SFTPD: variants seen among roughly 807,000 people sequenced by gnomAD.
SFTPD encodes pulmonary surfactant-associated protein D.
In SFTPD, 18 loss-of-function variants were observed where a neutral mutation model predicts 34.6. The observed-to-expected ratio is 0.52, with a 90% CI of 0.36 to 0.77. The LOEUF (loss-of-function observed/expected upper bound fraction) is 0.77, where lower values mean the gene tolerates loss of function less well. SFTPD is among the 30% of genes least tolerant of loss of function. SFTPD has a pLI of 0.00. For synonymous variants in SFTPD, 155 were observed against 180.9 expected, an observed-to-expected ratio of 0.86 and a Z score of 1.15; for missense variants, 433 against 468.9, an observed-to-expected ratio of 0.92 and a Z score of 0.71.
At chr10:79,977,381 C>T (rs1466141089) in intron 1 of SFTPD, among the ~76,000 whole-genome samples, 2 of 152,186 alleles carry the variant, frequency 1.3e-5, no homozygotes, top group African/African-American at 4.8e-5. Context: ...CCTAGAGTTC[C>T]ACAGGACATT....
chr10:79,960,990 C>T (rs915443421), intron 1 of SFTPD, among the ~76,000 whole-genome samples: 121 of 152,188 alleles, frequency 8.0e-4, no homozygotes, highest in African/African-American at 2.8e-3. Context: ...GAAATAATGC[C>T]GCATATCTGC....
At chr10:79,960,442 C>T (rs1281169339) in intron 1 of SFTPD, among the ~76,000 whole-genome samples, 2 of 149,988 alleles carry the variant, frequency 1.3e-5, no homozygotes, top group Admixed American at 6.7e-5. Flanking sequence ...GCAACTTCAG[C>T]AAAGTCTCAG....
intron 2 of SFTPD, among the ~76,000 whole-genome samples, chr10:79,945,317 C>T (rs557570360): frequency 1.3e-5 from 2 of 152,142 alleles, no homozygotes; most frequent in East Asian, 1.9e-4. Context: ...CTGGGATCCC[C>T]CCTGGACAGC....
At chr10:79,976,852 G>T (rs1424528427) in intron 1 of SFTPD, among the ~76,000 whole-genome samples, 1 of 152,166 alleles carries the variant, frequency 6.6e-6, no homozygotes. Flanking sequence ...AGGGACCCAG[G>T]AGGAGGTAAT....
intron 1 of SFTPD, chr10:79,971,048 CT>C (rs1335469674): frequency 1.3e-5 from 2 of 152,144 alleles, no homozygotes; most frequent in Non-Finnish European, 2.9e-5. Context: ...TCTTTCATAT[CT>C]AGTTTGTTGA....
chr10:79,966,587 A>C (rs963533301), intron 1 of SFTPD, among the ~76,000 whole-genome samples: 4 of 146,148 alleles, frequency 2.7e-5, no homozygotes, highest in African/African-American at 1.1e-4. Context: ...CTTTAGTTTA[A>C]TTAGATCCCA....
intron 1 of SFTPD, among the ~76,000 whole-genome samples, chr10:79,955,063 T>C (rs2264953): frequency 0.4 from 60,219 of 152,000 alleles, 12,615 homozygotes; most frequent in African/African-American, 0.48. Flanking sequence ...CCTCCAGAGC[T>C]TGGGGCCTTC....
intron 1 of SFTPD, among the ~76,000 whole-genome samples, chr10:79,976,467 G>C (rs1272255040): frequency 6.6e-6 from 1 of 152,166 alleles, no homozygotes; most frequent in African/African-American, 2.4e-5. Context: ...TTGGGAGGGT[G>C]AGTGATAAAA....
At chr10:79,968,143 A>G (rs899167752) in intron 1 of SFTPD, 12 of 152,178 alleles carry the variant, frequency 7.9e-5, no homozygotes, top group African/African-American at 2.4e-4. Flanking sequence ...CGGGATATCC[A>G]TAACCTCAAA....
chr10:79,970,583 TCTC>T (rs1437774952), intron 1 of SFTPD: 2 of 152,132 alleles, frequency 1.3e-5, no homozygotes, highest in African/African-American at 4.8e-5. Flanking sequence ...AGATCTTTTA[TCTC>T]CTCATTTAAA....
intron 1 of SFTPD, among the ~76,000 whole-genome samples, chr10:79,962,247 T>A (rs555921064): frequency 8.0e-4 from 121 of 151,444 alleles, no homozygotes; most frequent in African/African-American, 2.9e-3. Context: ...TATACATATG[T>A]AACAAACCTG....
intron 2 of SFTPD, among the ~76,000 whole-genome samples, chr10:79,945,771 T>C (rs1842658546): frequency 6.6e-6 from 1 of 152,194 alleles, no homozygotes; most frequent in Admixed American, 6.5e-5. Flanking sequence ...TCAGTGACAC[T>C]GAGGGGCTCT....
chr10:79,947,701 G>A (rs1048816837), intron 1 of SFTPD, among the ~76,000 whole-genome samples: 18 of 152,160 alleles, frequency 1.2e-4, no homozygotes, highest in African/African-American at 3.6e-4. Flanking sequence ...GAAAAAAAAA[G>A]AAGTCTTATA....
chr10:79,960,036 G>C (rs1003331263), intron 1 of SFTPD, among the ~76,000 whole-genome samples: 8 of 151,664 alleles, frequency 5.3e-5, no homozygotes, highest in Middle Eastern at 3.4e-3. Context: ...CAGAACCAAA[G>C]ACAAAAACCA....
At chr10:79,958,377 C>T (rs1346521789) in intron 1 of SFTPD, among the ~76,000 whole-genome samples, 2 of 152,108 alleles carry the variant, frequency 1.3e-5, no homozygotes, top group African/African-American at 2.4e-5. Context: ...AGAGTCAAGA[C>T]CCATCAGTGT....
intron 1 of SFTPD, among the ~76,000 whole-genome samples, chr10:79,973,509 T>G (rs1198982315): frequency 6.7e-6 from 1 of 150,166 alleles, no homozygotes; most frequent in Non-Finnish European, 1.5e-5. Context: ...TCCCAGCTAC[T>G]CAGGAGGCTT....
intron 1 of SFTPD, 80 bp from the exon 2 acceptor site, chr10:79,946,742 T>G: frequency 1.6e-6 from 2 of 1,287,140 alleles, no homozygotes; most frequent in Non-Finnish European, 2.2e-6. Flanking sequence ...CTTCTAGAGG[T>G]GACAAGAAGC....
intron 2 of SFTPD, among the ~76,000 whole-genome samples, chr10:79,945,080 C>T (rs1283610148): frequency 6.6e-6 from 1 of 152,090 alleles, no homozygotes; most frequent in Non-Finnish European, 1.5e-5. Flanking sequence ...CCTGTAGCCC[C>T]ACCGTGTTCT....
chr10:79,944,725 G>A lies in SFTPD; in HGVS notation c.199+1736C>T, dbSNP rs17884985. On this transcript the variant is annotated intron_variant, in intron 2 of 7. Coordinates refer to ENST00000372292, the MANE Select transcript of SFTPD (RefSeq NM_003019.5). ...CGGAATATTGCTGAGCAGGAATGCT[G>A]AAGGTGCTGAGGAATAAGGAATTGT... is the stretch of plus-strand genomic sequence containing the variant. Among the ~76,000 whole-genome samples the A allele has an allele frequency of 3.0e-3, 458 of 152,224 alleles. 3 individuals are homozygous for A. Among genetic ancestry groups the A allele is most frequent in the Non-Finnish European group, 4.8e-3 (327 of 67,996 alleles).
Sources: allele counts gnomAD v4.1 joint callset (sites outside exome capture counted in the v4.1 genomes callset), GRCh38; gene constraint gnomAD v4.1.1; transcripts MANE v1.5; gene names NCBI Gene and HGNC (gene_info 2026-07-23, HGNC 2026-07-21).